ARHGAP26: variants seen among roughly 807,000 people sequenced by gnomAD.
ARHGAP26 encodes the protein rho GTPase-activating protein 26.
A neutral mutation model predicts 104.8 loss-of-function variants in ARHGAP26; 38 were observed. The ratio of observed to expected loss-of-function variants is 0.36; its 90% CI spans 0.28 to 0.48. The LOEUF (loss-of-function observed/expected upper bound fraction) is 0.48. ARHGAP26 is among the 20% of genes least tolerant of loss of function. The pLI is 0.99. For synonymous variants in ARHGAP26, 341 were observed against 340.0 expected (o/e 1.00, Z -0.03); for missense variants, 704 against 947.9 (o/e 0.74, Z 3.38).
At position 142,923,857 on chromosome 5, in the gene ARHGAP26, C is replaced by CTTTTTTTTT. The variant is rs11389284; in HGVS notation, c.1029-8176_1029-8168dup. Among the ~76,000 whole-genome samples, 4 of 105,880 alleles carry CTTTTTTTTT rather than the reference C, an allele frequency of 3.8e-5. 1 individual carries two copies. The highest frequency in any genetic ancestry group is 1.8e-5 in the Non-Finnish European group (1 of 54,060). 69.5% of individuals were successfully genotyped at this position (105,880 alleles called of 152,430 possible). A position where few individuals can be genotyped will look rare whatever the true frequency, so the allele number is the denominator to read the frequency against. On this transcript the variant is annotated intron_variant, in intron 10 of 22. Transcript: ENST00000645722. ...TTCATTCATTTATTAGGATCAGATC[C>CTTTTTTTTT]TTTTTTTTTTTTTTTTTTTTTTGAT...
chr5:143,160,730 C>T (rs1037581757), intron 20 of ARHGAP26, among the ~76,000 whole-genome samples: 4 of 152,140 alleles, frequency 2.6e-5, no homozygotes, highest in Non-Finnish European at 4.4e-5. Flanking sequence ...CCTCCCACCT[C>T]GGCATCCCAA....
At chr5:142,807,940 G>A (rs1022501030) in intron 1 of ARHGAP26, among the ~76,000 whole-genome samples, 2 of 152,090 alleles carry the variant, frequency 1.3e-5, no homozygotes, top group African/African-American at 2.4e-5. Context: ...TTATTTTTAA[G>A]AATGTTGTAT....
chr5:143,092,695 T>C (rs545675413), intron 17 of ARHGAP26, among the ~76,000 whole-genome samples: 259 of 152,366 alleles, frequency 1.7e-3, no homozygotes, highest in African/African-American at 5.7e-3. Context: ...ACTTTACTTT[T>C]GTTGAAAACC....
chr5:143,027,647 G>C (rs1781257106), intron 12 of ARHGAP26, among the ~76,000 whole-genome samples: 2 of 152,142 alleles, frequency 1.3e-5, no homozygotes, highest in South Asian at 4.1e-4. Flanking sequence ...AAGTATAACT[G>C]AGAAATGTTT....
chr5:143,120,940 G>C, intron 17 of ARHGAP26, 48 bp from the exon 18 acceptor site: 1 of 1,573,828 alleles, frequency 6.4e-7, no homozygotes, highest in Non-Finnish European at 8.7e-7. Context: ...TGGTATCTCT[G>C]TGTACACGAT....
In ARHGAP26 at chr5:142,900,753, T is replaced by A. The variant is rs180910183; in HGVS notation, c.598-1182T>A. On this transcript the variant is annotated intron_variant, in intron 6 of 22. Transcript: ENST00000645722. Reference sequence around the variant, plus strand: ...TTTTTTTTACATAATAAGTAATGTTTAACAGGTTAAAAAAAAATCATTTAG... The same window carrying A: ...TTTTTTTTACATAATAAGTAATGTTAAACAGGTTAAAAAAAAATCATTTAG... Among the ~76,000 whole-genome samples, 628 of 152,194 alleles carry A rather than the reference T, an allele frequency of 4.1e-3. 2 individuals are homozygous for A. The highest frequency in any genetic ancestry group is 0.02 in the Middle Eastern group (6 of 294).
chr5:142,875,972 A>G (rs1756026556), intron 3 of ARHGAP26, among the ~76,000 whole-genome samples: 2 of 152,016 alleles, frequency 1.3e-5, no homozygotes, highest in South Asian at 4.2e-4. Flanking sequence ...CGAACTCCAA[A>G]CCTTAAGTGA....
intron 17 of ARHGAP26, among the ~76,000 whole-genome samples, chr5:143,079,707 A>G (rs1437985905): frequency 6.6e-6 from 1 of 152,200 alleles, no homozygotes; most frequent in East Asian, 1.9e-4. Flanking sequence ...TTATGTGTAC[A>G]TTGGACCTAT....
intron 21 of ARHGAP26, among the ~76,000 whole-genome samples, chr5:143,212,014 C>T (rs757856273): frequency 1.3e-5 from 2 of 152,102 alleles, no homozygotes; most frequent in African/African-American, 4.8e-5. Flanking sequence ...TCCAGCTTGC[C>T]CCTGTTTTGT....
intron 17 of ARHGAP26, among the ~76,000 whole-genome samples, chr5:143,090,148 G>C (rs982504549): frequency 5.3e-5 from 8 of 152,244 alleles, no homozygotes; most frequent in African/African-American, 1.9e-4. Flanking sequence ...GCCCTTGGGG[G>C]CTGACCCGCA....
chr5:142,960,981 A>C (rs566349575), intron 11 of ARHGAP26, among the ~76,000 whole-genome samples: 33 of 152,284 alleles, frequency 2.2e-4, no homozygotes, highest in African/African-American at 7.7e-4. Context: ...ACCTGATTTT[A>C]TAAAATTACC....
intron 19 of ARHGAP26, among the ~76,000 whole-genome samples, chr5:143,135,507 C>T (rs1299296401): frequency 6.6e-6 from 1 of 152,060 alleles, no homozygotes; most frequent in East Asian, 1.9e-4. Flanking sequence ...TTTTTGTCAC[C>T]AAAAAGGTGC....
At chr5:143,067,961 C>T (rs993520407) in intron 17 of ARHGAP26, among the ~76,000 whole-genome samples, 6 of 152,104 alleles carry the variant, frequency 3.9e-5, no homozygotes, top group East Asian at 1.9e-4. Flanking sequence ...GCCGGGAGTT[C>T]GAGACCAGCC....
At chr5:142,910,105 AT>A (rs1761636716) in intron 9 of ARHGAP26, among the ~76,000 whole-genome samples, 1 of 152,088 alleles carries the variant, frequency 6.6e-6, no homozygotes, top group Non-Finnish European at 1.5e-5. Context: ...ATAAGAGTTA[AT>A]TTTCCTAGTA....
intron 1 of ARHGAP26, among the ~76,000 whole-genome samples, chr5:142,793,432 T>C (rs1366289737): frequency 6.6e-6 from 1 of 151,766 alleles, no homozygotes; most frequent in Non-Finnish European, 1.5e-5. Flanking sequence ...CCTTAATGTC[T>C]CTCTGAGAGC....
intron 20 of ARHGAP26, among the ~76,000 whole-genome samples, chr5:143,178,065 T>A (rs2151170981): frequency 7.0e-6 from 1 of 141,902 alleles, no homozygotes; most frequent in Non-Finnish European, 1.5e-5. Context: ...AGTGGTGTAA[T>A]CTCTGTTCAC....
chr5:142,889,488 C>T (rs1409400801), intron 5 of ARHGAP26, among the ~76,000 whole-genome samples: 2 of 152,072 alleles, frequency 1.3e-5, no homozygotes, highest in Admixed American at 6.5e-5. Context: ...TGTGGTGGCA[C>T]GCGCCTGTAA....
chr5:142,831,493 C>T (rs1233809486), intron 1 of ARHGAP26, among the ~76,000 whole-genome samples: 1 of 152,132 alleles, frequency 6.6e-6, no homozygotes, highest in East Asian at 1.9e-4. Context: ...GATGTTCACC[C>T]CTGGCTTGAT....
chr5:142,878,358 A>G (rs1177256438), intron 3 of ARHGAP26, among the ~76,000 whole-genome samples: 2 of 152,196 alleles, frequency 1.3e-5, no homozygotes, highest in South Asian at 2.1e-4. Context: ...GAGCCCAGAG[A>G]GGTTAAATGT....
Sources: gnomAD v4.1 joint callset for allele counts (sites outside exome capture counted in the v4.1 genomes callset) on GRCh38, gnomAD v4.1.1 for gene constraint, MANE v1.5 for transcripts, NCBI Gene and HGNC (gene_info 2026-07-23, HGNC 2026-07-21) for gene names.